Variants in DNAJC15 observed in about 807,000 individuals in gnomAD.
The protein encoded by DNAJC15 is dnaJ homolog subfamily C member 15.
Under a neutral mutation model 22.4 loss-of-function variants are expected in DNAJC15, and 27 were observed. The observed-to-expected ratio is 1.20, with a 90% confidence interval of 0.89 to 1.66. The LOEUF (loss-of-function observed/expected upper bound fraction) is 1.66, where lower values mean the gene tolerates loss of function less well. Among genes scored for constraint, DNAJC15 ranks in the 40% most tolerant of loss-of-function variants. DNAJC15 has a pLI of 0.00. For synonymous variants in DNAJC15, 79 were observed against 63.2 expected, an observed-to-expected ratio of 1.25 and a Z score of -1.19; for missense variants, 208 against 187.1, an observed-to-expected ratio of 1.11 and a Z score of -0.65.
At chr13:43,038,389 G>A (rs1811265323) in intron 1 of DNAJC15, among the ~76,000 whole-genome samples, 1 of 152,210 alleles carries the variant, frequency 6.6e-6, no homozygotes, top group Non-Finnish European at 1.5e-5. Flanking sequence ...AGGTATGACA[G>A]ATTGTCACAT....
At chr13:43,074,333 G>T (rs371575803) in intron 3 of DNAJC15, among the ~76,000 whole-genome samples, 1 of 152,080 alleles carries the variant, frequency 6.6e-6, no homozygotes, top group South Asian at 2.1e-4. Context: ...GAAGGAAAAT[G>T]ATTTTGATTT....
At chr13:43,078,576 G>C in intron 3 of DNAJC15, 36 bp from the exon 4 acceptor site, 1 of 1,582,574 alleles carries the variant, frequency 6.3e-7, no homozygotes, top group Non-Finnish European at 8.7e-7. Flanking sequence ...CTCATACGTG[G>C]AACTAATGAT....
rs1203914681 is a variant in DNAJC15, at chr13:43,112,492, A to G, written c.*5244A>G. The G allele has an allele frequency of 6.6e-6, 1 of 152,254 alleles. No homozygotes were observed. The highest frequency in any genetic ancestry group is 1.5e-5 in the Non-Finnish European group (1 of 68,044). The allele number at this position is 152,254 out of a possible 1,614,324, so 9.4% of individuals were successfully genotyped here. ...AACAGTGGCAAACTTCAATTATGAC[A>G]GGATAAAAATCACATAGAGATATTG... On this transcript the variant is annotated 3_prime_UTR_variant, in exon 6 of 6. Transcript: ENST00000379221.
rs1322523522 is a variant in DNAJC15 at position 43,107,258 on chromosome 13, A to G, written c.*10A>G. On this transcript the variant is annotated 3_prime_UTR_variant, in exon 6 of 6. Coordinates refer to ENST00000379221, the MANE Select transcript of DNAJC15 (RefSeq NM_013238.3). ...AACCACCAAACATTGATGCTTAAGGACCACACTGAAGGAAAAAAAAAGAGG... is the reference window on the plus strand; with the variant it reads ...AACCACCAAACATTGATGCTTAAGGGCCACACTGAAGGAAAAAAAAAGAGG... 6.5e-6 allele frequency: 10 copies of G among 1,546,980 alleles called. No homozygotes were observed. Among genetic ancestry groups the G allele is most frequent in the Admixed American group, 2.2e-5 (1 of 44,506 alleles).
intron 1 of DNAJC15, among the ~76,000 whole-genome samples, chr13:43,045,341 C>T (rs2040471704): frequency 6.6e-6 from 1 of 152,196 alleles, no homozygotes; most frequent in African/African-American, 2.4e-5. Flanking sequence ...CAAAACCTCT[C>T]AGACATCGAG....
At chr13:43,033,520 C>A (rs1053891379) in intron 1 of DNAJC15, among the ~76,000 whole-genome samples, 1 of 152,088 alleles carries the variant, frequency 6.6e-6, no homozygotes, top group South Asian at 2.1e-4. Flanking sequence ...TTCCAAGATC[C>A]CAACCAGGTA....
At chr13:43,053,116 A>T (rs560122514) in intron 1 of DNAJC15, among the ~76,000 whole-genome samples, 2 of 152,316 alleles carry the variant, frequency 1.3e-5, no homozygotes, top group South Asian at 4.1e-4. Flanking sequence ...ATTCTTCCAC[A>T]TGTGGCTTGC....
rs1283664430 is a variant in DNAJC15 at position 43,108,114 on chromosome 13, G to A, written c.*866G>A. 2 of 152,584 alleles carry A rather than the reference G, an allele frequency of 1.3e-5. No individual in the cohort carries two copies. Among genetic ancestry groups the A allele is most frequent in the East Asian group, 3.9e-4 (2 of 5,194 alleles). 9.5% of individuals were successfully genotyped at this position (152,584 alleles called of 1,614,324 possible). Reference sequence around the variant, plus strand: ...CAAATAGTGAATACTGTTAGATACAGATGATATATTTTAAAAGTTCAAAGG... The same window carrying A: ...CAAATAGTGAATACTGTTAGATACAAATGATATATTTTAAAAGTTCAAAGG... On this transcript the variant is annotated 3_prime_UTR_variant, in exon 6 of 6. Coordinates refer to ENST00000379221, the MANE Select transcript of DNAJC15 (RefSeq NM_013238.3).
chr13:43,111,392 G>T lies in DNAJC15; in HGVS notation c.*4144G>T, dbSNP rs2040823979. The T allele has an allele frequency of 6.6e-6, 1 of 151,918 alleles. No individual in the cohort carries two copies. 9.4% of individuals were successfully genotyped at this position (151,918 alleles called of 1,614,324 possible). On this transcript the variant is annotated 3_prime_UTR_variant, in exon 6 of 6. Transcript: ENST00000379221. ...AAGACATATAAGAGTTGCATTAATG[G>T]GCGTGCTTATGATTGATCACCCAGC...
chr13:43,108,037 C>T lies in DNAJC15; in HGVS notation c.*789C>T, dbSNP rs1254141911. 1.3e-5 allele frequency: 2 copies of T among 152,558 alleles called. No homozygotes were observed. Among genetic ancestry groups the T allele is most frequent in the Admixed American group, 6.5e-5 (1 of 15,270 alleles). The allele number at this position is 152,558 out of a possible 1,614,324, so 9.5% of individuals were successfully genotyped here. On this transcript the variant is annotated 3_prime_UTR_variant, in exon 6 of 6. Coordinates refer to ENST00000379221, the MANE Select transcript of DNAJC15 (RefSeq NM_013238.3). ...TCCCCTGAGAGTTGCAAGTATGAAG[C>T]AGTCATGGATCATGAACCAAAGGAA...
At chr13:43,025,052 C>T (rs1194732729) in intron 1 of DNAJC15, among the ~76,000 whole-genome samples, 1 of 151,460 alleles carries the variant, frequency 6.6e-6, no homozygotes, top group African/African-American at 2.4e-5. Flanking sequence ...AGAGCTAGAC[C>T]CTGTCTCCAA....
rs1280178396 is a variant in DNAJC15 at position 43,033,205 on chromosome 13, C to T, written c.108+9471C>T. The stretch of plus-strand genomic sequence containing the variant: ...ATTGAAAGTGAGATTTGCTGAGGGA[C>T]ACAGATCTGAACCATATCAAGACAA... On this transcript the variant is annotated intron_variant, in intron 1 of 5. Coordinates refer to ENST00000379221, the MANE Select transcript of DNAJC15 (RefSeq NM_013238.3). Among the ~76,000 whole-genome samples, 6 of 152,242 alleles carry T rather than the reference C, an allele frequency of 3.9e-5. No individual in the cohort carries two copies. The East Asian group carries it at 5.8e-4, about 15-fold the overall frequency.
At chr13:43,068,533 AG>A (rs1299962529) in intron 2 of DNAJC15, among the ~76,000 whole-genome samples, 1 of 152,144 alleles carries the variant, frequency 6.6e-6, no homozygotes, top group Admixed American at 6.5e-5. Flanking sequence ...TATCATAAAA[AG>A]CAATACAATT....
chr13:43,028,400 A>ATTTTCTTAG (rs2040390017), intron 1 of DNAJC15, among the ~76,000 whole-genome samples: 1 of 151,284 alleles, frequency 6.6e-6, no homozygotes, highest in Non-Finnish European at 1.5e-5. Flanking sequence ...TTCCCTTGCT[A>ATTTTCTTAG]TTTTCTTAGT....
At chr13:43,104,794 A>T (rs2153442409) in intron 5 of DNAJC15, among the ~76,000 whole-genome samples, 1 of 150,254 alleles carries the variant, frequency 6.7e-6, no homozygotes, top group South Asian at 2.1e-4. Flanking sequence ...GGCTCAAGTG[A>T]TCCTCCACCT....
intron 5 of DNAJC15, among the ~76,000 whole-genome samples, chr13:43,104,002 C>T (rs2040783668): frequency 6.6e-6 from 1 of 151,980 alleles, no homozygotes; most frequent in South Asian, 2.1e-4. Flanking sequence ...AAAGTATAGT[C>T]TCTTATAACA....
At chr13:43,103,358 G>A (rs1443770970) in intron 5 of DNAJC15, among the ~76,000 whole-genome samples, 1 of 152,174 alleles carries the variant, frequency 6.6e-6, no homozygotes, top group Non-Finnish European at 1.5e-5. Context: ...GAAGAAAAAA[G>A]TATGTATATA....
At chr13:43,045,260 G>A (rs946812404) in intron 1 of DNAJC15, among the ~76,000 whole-genome samples, 4 of 152,030 alleles carry the variant, frequency 2.6e-5, no homozygotes, top group Non-Finnish European at 5.9e-5. Context: ...TTTTCCAAAA[G>A]TCATTTTTTT....
chr13:43,031,759 G>C (rs2040405041), intron 1 of DNAJC15, among the ~76,000 whole-genome samples: 1 of 152,212 alleles, frequency 6.6e-6, no homozygotes. Flanking sequence ...TTGAGAAGTA[G>C]ATGAATCCCA....
Sources: gnomAD v4.1 joint callset for allele counts (sites outside exome capture counted in the v4.1 genomes callset) on GRCh38, gnomAD v4.1.1 for gene constraint, MANE v1.5 for transcripts, NCBI Gene and HGNC (gene_info 2026-07-23, HGNC 2026-07-21) for gene names.